Variants in SAXO2 observed in about 807,000 individuals in gnomAD.
SAXO2 encodes the protein family with sequence similarity 154, member B.
Under a neutral mutation model 18.7 loss-of-function variants are expected in SAXO2, and 17 were observed. The observed-to-expected ratio is 0.91, with a 90% CI of 0.62 to 1.36. The LOEUF is 1.36. Among genes scored for constraint, SAXO2 ranks in the 40% most tolerant of loss-of-function variants. SAXO2 has a pLI of 0.00. For missense variants in SAXO2, 486 were observed against 562.6 expected, an observed-to-expected ratio of 0.86 and a Z score of 1.38; for synonymous variants, 163 against 181.2, an observed-to-expected ratio of 0.90 and a Z score of 0.81.
At chr15:82,267,149 C>G (rs911406802) in intron 2 of SAXO2, among the ~76,000 whole-genome samples, 7 of 152,164 alleles carry the variant, frequency 4.6e-5, no homozygotes, top group Admixed American at 4.6e-4. Context: ...ATGCCAGTGA[C>G]ACAGCCTCAG....
At chr15:82,265,211 G>T (rs2075204122) in intron 1 of SAXO2, among the ~76,000 whole-genome samples, 1 of 152,156 alleles carries the variant, frequency 6.6e-6, no homozygotes, top group Non-Finnish European at 1.5e-5. Flanking sequence ...CAGGATCTTG[G>T]CTCACTGCAA....
At position 82,272,899 on chromosome 15, in the gene SAXO2, T is replaced by C. The variant is rs1370986209; in HGVS notation, c.433+1097T>C. Among the ~76,000 whole-genome samples the C allele has an allele frequency of 1.1e-4, 16 of 151,640 alleles. No individual in the cohort carries two copies. In the East Asian group the frequency reaches 3.1e-3, roughly 29 times the overall value. On this transcript the variant is annotated intron_variant, in intron 3 of 3. Transcript: ENST00000682753. ...TTTGAGGAATGGGGTCTTTGTTTTT[T>C]AAACACAGGCTGTTTTTTTTTTTCA... is the stretch of plus-strand genomic sequence containing the variant.
intron 3 of SAXO2, among the ~76,000 whole-genome samples, chr15:82,274,037 C>T (rs905007951): frequency 6.6e-6 from 1 of 151,998 alleles, no homozygotes; most frequent in African/African-American, 2.4e-5. Flanking sequence ...TATTTGGTCT[C>T]TTATACAATC....
chr15:82,269,884 TA>T (rs2075254851), intron 2 of SAXO2, among the ~76,000 whole-genome samples: 1 of 152,028 alleles, frequency 6.6e-6, no homozygotes, highest in African/African-American at 2.4e-5. Flanking sequence ...ATGGACTAGA[TA>T]GGGGAGAGAA....
At chr15:82,276,955 CTATAT>C (rs2075320726) in intron 3 of SAXO2, among the ~76,000 whole-genome samples, 1 of 152,000 alleles carries the variant, frequency 6.6e-6, no homozygotes, top group Admixed American at 6.6e-5. Flanking sequence ...GTCAAAATTA[CTATAT>C]TATGTTTTTA....
At chr15:82,268,480 G>T (rs1347262899) in intron 2 of SAXO2, among the ~76,000 whole-genome samples, 1 of 152,144 alleles carries the variant, frequency 6.6e-6, no homozygotes, top group Non-Finnish European at 1.5e-5. Flanking sequence ...TAAGACATCG[G>T]ATCTTTTCTT....
chr15:82,271,592 A>T lies in SAXO2; in HGVS notation c.234-11A>T, dbSNP rs781498404. On this transcript the variant is annotated splice_polypyrimidine_tract_variant and intron_variant, in intron 2 of 3. Coordinates refer to ENST00000682753, the MANE Select transcript of SAXO2 (RefSeq NM_001348699.2). ...ACTTGTGAGGCTATGTTTCAAATTT[A>T]TATATTTCAGGTCGGATTATTGTCC... 1 of 1,588,958 alleles carries T rather than the reference A, an allele frequency of 6.3e-7. No homozygotes were observed. Among genetic ancestry groups the T allele is most frequent in the Non-Finnish European group, 8.6e-7 (1 of 1,169,504 alleles).
intron 2 of SAXO2, 27 bp downstream of exon 2, chr15:82,265,775 A>C (rs2075211438): frequency 6.7e-7 from 1 of 1,493,834 alleles, no homozygotes; most frequent in Non-Finnish European, 8.9e-7. Flanking sequence ...TATTTGCTTT[A>C]CTTATTTTTC....
chr15:82,270,255 G>A (rs1253488348), intron 2 of SAXO2, among the ~76,000 whole-genome samples: 2 of 152,210 alleles, frequency 1.3e-5, no homozygotes, highest in Non-Finnish European at 2.9e-5. Flanking sequence ...ACGCTAACAT[G>A]TATTTAATGA....
At chr15:82,276,589 A>C (rs2075317521) in intron 3 of SAXO2, among the ~76,000 whole-genome samples, 1 of 152,182 alleles carries the variant, frequency 6.6e-6, no homozygotes, top group Non-Finnish European at 1.5e-5. Flanking sequence ...CAAAATTGGC[A>C]AAAATAAACA....
intron 3 of SAXO2, among the ~76,000 whole-genome samples, chr15:82,279,566 A>T (rs2075344741): frequency 6.6e-6 from 1 of 152,182 alleles, no homozygotes; most frequent in Admixed American, 6.5e-5. Flanking sequence ...TTGGTGTTTG[A>T]AGGGAGGTCT....
intron 2 of SAXO2, among the ~76,000 whole-genome samples, chr15:82,270,125 G>A (rs563275116): frequency 4.6e-5 from 7 of 152,312 alleles, no homozygotes; most frequent in African/African-American, 1.4e-4. Context: ...AAGCTGAGAT[G>A]TAAATTTGAG....
intron 3 of SAXO2, among the ~76,000 whole-genome samples, chr15:82,276,963 T>C (rs4778989): frequency 0.2 from 29,927 of 152,150 alleles, 3,228 homozygotes; most frequent in Non-Finnish European, 0.26. Context: ...TACTATATTA[T>C]GTTTTTACAC....
intron 1 of SAXO2, chr15:82,264,987 A>G (rs2075201244): frequency 5.7e-6 from 3 of 522,750 alleles, no homozygotes; most frequent in Non-Finnish European, 1.0e-5. Context: ...GAGCATGGGA[A>G]ATTCCCTATT....
chr15:82,265,260 C>A (rs1206423179), intron 1 of SAXO2, among the ~76,000 whole-genome samples: 1 of 152,312 alleles, frequency 6.6e-6, no homozygotes, highest in East Asian at 1.9e-4. Flanking sequence ...CCTGCCTCAG[C>A]CTCCTGAGTA....
rs1348811481 is a variant in SAXO2, at chr15:82,263,032, C to T, written c.53+100C>T. On this transcript the variant is annotated intron_variant, in intron 1 of 3. Transcript: ENST00000682753. ...CTCGGGAACCCTGAGAGTGGCCGTC[C>T]CCCGGAGATGAAGGGACGAGGGCGC... 4.6e-6 allele frequency: 7 copies of T among 1,538,428 alleles called. No homozygotes were observed. The African/African-American group carries it at 8.3e-5, about 18-fold the overall frequency.
rs765480310 is a variant in SAXO2 at position 82,262,848 on chromosome 15, G to T, written c.-32G>T. The T allele has an allele frequency of 1.9e-6, 3 of 1,564,512 alleles. No individual in the cohort carries two copies. The highest frequency in any genetic ancestry group is 4.8e-5 in the East Asian group (2 of 41,390). On this transcript the variant is annotated 5_prime_UTR_variant, in exon 1 of 4. Coordinates refer to ENST00000682753, the MANE Select transcript of SAXO2 (RefSeq NM_001348699.2). ...CGGCGGGCGCTGTGGGAGTGGAGAA[G>T]CTGCAAGTGCTGAGGCGCGGTGGAG...
chr15:82,276,688 G>T (rs760100645), intron 3 of SAXO2, among the ~76,000 whole-genome samples: 14 of 152,104 alleles, frequency 9.2e-5, no homozygotes, highest in Non-Finnish European at 1.3e-4. Flanking sequence ...TGCAGAAGGT[G>T]CAAGAAGGAT....
intron 3 of SAXO2, among the ~76,000 whole-genome samples, chr15:82,273,719 G>T (rs1249696429): frequency 6.6e-6 from 1 of 151,916 alleles, no homozygotes; most frequent in Non-Finnish European, 1.5e-5. Context: ...AATAATAATT[G>T]ATGAAAATGA....
Sources: gnomAD v4.1 joint callset for allele counts (sites outside exome capture counted in the v4.1 genomes callset) on GRCh38, gnomAD v4.1.1 for gene constraint, MANE v1.5 for transcripts, NCBI Gene and HGNC (gene_info 2026-07-23, HGNC 2026-07-21) for gene names.